The following TIAM1 variants were observed in gnomAD, a reference collection of about 807,000 sequenced individuals.
TIAM1 encodes the protein rho guanine nucleotide exchange factor TIAM1.
In TIAM1, 65 loss-of-function variants were observed where a neutral mutation model predicts 163.5. That is an observed-to-expected ratio of 0.40 (90% CI 0.33 to 0.49). The LOEUF (loss-of-function observed/expected upper bound fraction) is 0.49. Ranked by LOEUF, TIAM1 falls within the 20% of genes least tolerant of loss-of-function variation. The pLI, the probability that TIAM1 is intolerant of heterozygous loss-of-function variation, is 0.77. For missense variants in TIAM1, 1,789 were observed against 2,044.7 expected (o/e 0.87, Z 2.41); for synonymous variants, 833 against 810.1 (o/e 1.03, Z -0.48).
intron 4 of TIAM1, among the ~76,000 whole-genome samples, chr21:31,264,255 G>C (rs139284393): frequency 6.6e-6 from 1 of 152,032 alleles, no homozygotes; most frequent in African/African-American, 2.4e-5. Flanking sequence ...CCAATAATTC[G>C]TTTTTCAACT....
At chr21:31,299,724 C>T (rs1407046243) in intron 2 of TIAM1, among the ~76,000 whole-genome samples, 2 of 152,062 alleles carry the variant, frequency 1.3e-5, no homozygotes, top group East Asian at 1.9e-4. Flanking sequence ...CAGACAGAAT[C>T]GGCGGGGATT....
chr21:31,120,761 G>C lies in TIAM1; in HGVS notation c.4383C>G (p.Ala1461=), dbSNP rs780211607. 8 of 1,613,884 alleles carry C rather than the reference G, an allele frequency of 5.0e-6. No homozygotes were observed. The highest frequency in any genetic ancestry group is 6.8e-6 in the Non-Finnish European group (8 of 1,180,034). The change falls in exon 28 of 28, where the codon GCC becomes GCG. Residue 1461 remains alanine (A), a synonymous_variant. Transcript: ENST00000541036. This position sits in a 1 kb window ranked among gnomAD's most constrained non-coding sequence, Gnocchi z 4.2. ...ARNRFTIDSD[A]VSASSPEKES... ...CTTTCTCCGGGCTGCTTGCGGAGAC[G>C]GCATCAGAATCAATGGTAAACCTGT... is the stretch of plus-strand genomic sequence containing the variant.
intron 20 of TIAM1, among the ~76,000 whole-genome samples, chr21:31,144,832 A>G (rs2083032365): frequency 9.8e-6 from 1 of 101,910 alleles, no homozygotes; most frequent in Non-Finnish European, 2.1e-5. Context: ...CCATCTCAGA[A>G]AAAAAAAAAA....
In TIAM1 at chr21:31,395,615, T is replaced by C. The variant is rs2077053101; in HGVS notation, c.-368-56193A>G. Among the ~76,000 whole-genome samples, 1 of 152,190 alleles carries C rather than the reference T, an allele frequency of 6.6e-6. No homozygotes were observed. The highest frequency in any genetic ancestry group is 2.1e-4 in the South Asian group (1 of 4,830). On this transcript the variant is annotated intron_variant, in intron 2 of 28. Transcript: ENST00000286827. This position sits in a 1 kb window ranked among gnomAD's most constrained non-coding sequence, Gnocchi z 7.5. ...GCAGATTGCGTTACATTTCTCCACA[T>C]AAATGAACTTACACAGAGGGCATGG...
chr21:31,342,257 C>T (rs2076042370), intron 1 of TIAM1, among the ~76,000 whole-genome samples: 1 of 151,606 alleles, frequency 6.6e-6, no homozygotes, highest in African/African-American at 2.4e-5. Flanking sequence ...CCAGCCTGGG[C>T]AACAGAGCAA....
chr21:31,506,093 A>G (rs541843574), intron 1 of TIAM1, among the ~76,000 whole-genome samples: 3 of 151,576 alleles, frequency 2.0e-5, no homozygotes, highest in African/African-American at 7.3e-5. Context: ...GCTGGAGACA[A>G]AGCTCTGATT....
At chr21:31,474,638 C>A (rs913588390) in intron 1 of TIAM1, among the ~76,000 whole-genome samples, 2 of 151,676 alleles carry the variant, frequency 1.3e-5, no homozygotes, top group Admixed American at 6.6e-5. Context: ...CTCCGCCTCC[C>A]GGGTTCAAGC....
chr21:31,207,810 G>C (rs1049534555), intron 11 of TIAM1, among the ~76,000 whole-genome samples: 1 of 152,136 alleles, frequency 6.6e-6, no homozygotes, highest in African/African-American at 2.4e-5. Flanking sequence ...GGCTGCTCTC[G>C]AACTCCTGGC....
At chr21:31,181,335 C>T (rs143098416) in intron 15 of TIAM1, among the ~76,000 whole-genome samples, 192 of 152,208 alleles carry the variant, frequency 1.3e-3, no homozygotes, top group African/African-American at 4.4e-3. Flanking sequence ...AAGTAAGAAT[C>T]GCATGATCTA....
chr21:31,455,256 G>C (rs1442895705), intron 2 of TIAM1, among the ~76,000 whole-genome samples: 2 of 137,466 alleles, frequency 1.5e-5, no homozygotes, highest in Admixed American at 1.5e-4. Context: ...TCCAGCCTGG[G>C]CAACAAGAGT....
At chr21:31,218,586 G>A (rs576351592) in intron 8 of TIAM1, among the ~76,000 whole-genome samples, 2 of 151,984 alleles carry the variant, frequency 1.3e-5, no homozygotes, top group South Asian at 4.2e-4. Flanking sequence ...AAAGCGGGGG[G>A]TGGGGAATCT....
intron 2 of TIAM1, among the ~76,000 whole-genome samples, chr21:31,338,952 G>A (rs906813051): frequency 6.6e-6 from 1 of 152,036 alleles, no homozygotes; most frequent in African/African-American, 2.4e-5. Context: ...TAGTATCATG[G>A]GGGCAGACAA....
intron 2 of TIAM1, among the ~76,000 whole-genome samples, chr21:31,380,230 C>A (rs2076755058): frequency 6.6e-6 from 1 of 152,070 alleles, no homozygotes; most frequent in African/African-American, 2.4e-5. Flanking sequence ...CGCACTCTAG[C>A]CTGAGCGAAA....
chr21:31,365,751 G>A (rs1456694685), intron 2 of TIAM1, among the ~76,000 whole-genome samples: 1 of 152,048 alleles, frequency 6.6e-6, no homozygotes, highest in East Asian at 1.9e-4. Flanking sequence ...ACAGGTGCTT[G>A]AGAGATATTC....
At chr21:31,472,580 G>T (rs1017888948) in intron 1 of TIAM1, among the ~76,000 whole-genome samples, 6 of 152,162 alleles carry the variant, frequency 3.9e-5, no homozygotes, top group African/African-American at 1.4e-4. Context: ...CTCAATAGAT[G>T]CTGGCTGTCA....
At chr21:31,529,215 A>G (rs9983512) in intron 1 of TIAM1, among the ~76,000 whole-genome samples, 3,652 of 152,074 alleles carry the variant, frequency 0.024, 64 homozygotes, top group African/African-American at 0.034. Context: ...CACCGCGCCC[A>G]GCCGAAATGT....
At chr21:31,305,832 A>C (rs1053346465) in intron 2 of TIAM1, among the ~76,000 whole-genome samples, 1 of 152,234 alleles carries the variant, frequency 6.6e-6, no homozygotes. Context: ...TGGCTTATTT[A>C]ACCCAATCTA....
intron 1 of TIAM1, among the ~76,000 whole-genome samples, chr21:31,510,743 G>A (rs1162618637): frequency 2.0e-5 from 3 of 151,890 alleles, no homozygotes; most frequent in Non-Finnish European, 4.4e-5. Context: ...GAACCCAGGA[G>A]GCGGAGGTTG....
chr21:31,492,786 C>T (rs1304431370), intron 1 of TIAM1, among the ~76,000 whole-genome samples: 2 of 51,278 alleles, frequency 3.9e-5, no homozygotes, highest in East Asian at 2.7e-4. Flanking sequence ...TACACACACA[C>T]ACACACACAC....
Sources: gnomAD v4.1 joint callset for allele counts (sites outside exome capture counted in the v4.1 genomes callset) on GRCh38, gnomAD v4.1.1 for gene constraint, Gnocchi (gnomAD v3.1) non-coding constraint, MANE v1.5 for transcripts, NCBI Gene and HGNC (gene_info 2026-07-23, HGNC 2026-07-21) for gene names.